Variants in SLC25A28 observed in about 807,000 individuals in gnomAD.
SLC25A28 encodes the protein mitoferrin-2.
A neutral mutation model predicts 31.9 loss-of-function variants in SLC25A28; 10 were observed. The observed-to-expected ratio is 0.31, with a 90% CI of 0.19 to 0.53. SLC25A28 has a LOEUF of 0.53. SLC25A28 is among the 20% of genes least tolerant of loss of function. SLC25A28 has a pLI of 0.95. For synonymous variants in SLC25A28, 208 were observed against 203.6 expected (o/e 1.02, Z -0.19); for missense variants, 256 against 490.3 (o/e 0.52, Z 4.51).
upstream of SLC25A28, chr10:99,620,455 C>G: frequency 9.5e-7 from 1 of 1,047,408 alleles, no homozygotes; most frequent in South Asian, 4.4e-5. Context: ...CTCCGGCTCC[C>G]GCTTGGCCCC....
chr10:99,659,133 G>GA, the SLC25A28 span, among the ~76,000 whole-genome samples: 7 of 152,170 alleles, frequency 4.6e-5, no homozygotes, highest in Admixed American at 3.3e-4. The surrounding 1 kb of genome is among the most constrained non-coding windows in gnomAD (Gnocchi z 4.1). Context: ...CGAACACCCT[G>GA]AACCCACCTA....
At chr10:99,612,078 C>T (rs1175374166) in intron 3 of SLC25A28, among the ~76,000 whole-genome samples, 1 of 152,190 alleles carries the variant, frequency 6.6e-6, no homozygotes, top group Non-Finnish European at 1.5e-5. Context: ...AAGCCAAGAT[C>T]CCAGCAGAAA....
chr10:99,613,936 G>A lies in SLC25A28; in HGVS notation c.292-12C>T. The A allele has an allele frequency of 6.3e-7, 1 of 1,585,070 alleles. No individual in the cohort carries two copies. Among genetic ancestry groups the A allele is most frequent in the Non-Finnish European group, 8.6e-7 (1 of 1,164,242 alleles). On this transcript the variant is annotated splice_polypyrimidine_tract_variant and intron_variant, in intron 1 of 3. Transcript: ENST00000370495. The surrounding 1 kb of genome is among the most constrained non-coding windows in gnomAD (Gnocchi z 4.9). ...CTCTGCATCCGGGTCTGAAATTACA[G>A]CAAGGAGAAGCGCAATGTCAGCAAT...
intron 2 of SLC25A28, 30 bp from the exon 3 acceptor site, chr10:99,612,629 A>G (rs984504234): frequency 1.2e-6 from 2 of 1,614,088 alleles, no homozygotes; most frequent in Non-Finnish European, 1.7e-6. Context: ...TGCCACATGT[A>G]AGGCCAAGAG....
At chr10:99,642,742 C>G in the SLC25A28 span, among the ~76,000 whole-genome samples, 6 of 152,128 alleles carry the variant, frequency 3.9e-5, no homozygotes, top group African/African-American at 1.4e-4. Flanking sequence ...CATGTCCCAT[C>G]AATACCTAGT....
the SLC25A28 span, among the ~76,000 whole-genome samples, chr10:99,654,699 T>A: frequency 6.6e-5 from 10 of 152,196 alleles, no homozygotes; most frequent in African/African-American, 2.2e-4. Context: ...CACCTGGAAG[T>A]AGAAAGGGGG....
chr10:99,659,151 T>C, the SLC25A28 span, among the ~76,000 whole-genome samples: 2 of 152,174 alleles, frequency 1.3e-5, no homozygotes, highest in African/African-American at 4.8e-5. This position sits in a 1 kb window ranked among gnomAD's most constrained non-coding sequence, Gnocchi z 4.1. Flanking sequence ...CTACCGGAGC[T>C]ACTCTGTCCC....
chr10:99,642,648 T>C, the SLC25A28 span, among the ~76,000 whole-genome samples: 3 of 152,318 alleles, frequency 2.0e-5, no homozygotes, highest in Middle Eastern at 3.4e-3. Context: ...CGTGCCAGTT[T>C]TCAAAGGGCA....
chr10:99,614,296 G>A (rs530225207), intron 1 of SLC25A28, among the ~76,000 whole-genome samples: 2 of 152,288 alleles, frequency 1.3e-5, no homozygotes, highest in South Asian at 4.1e-4. Flanking sequence ...CTAAACTCCA[G>A]TATTTACTAT....
chr10:99,637,099 A>G, the SLC25A28 span, among the ~76,000 whole-genome samples: 1 of 152,306 alleles, frequency 6.6e-6, no homozygotes, highest in African/African-American at 2.4e-5. Context: ...ACCACGAGCA[A>G]GTGGGTTTCA....
chr10:99,620,812 C>T (rs985114994), upstream of SLC25A28: 10 of 985,376 alleles, frequency 1.0e-5, no homozygotes, highest in African/African-American at 3.5e-5. Context: ...AGCGACGCGC[C>T]CAGGGACTCT....
chr10:99,659,211 G>A, the SLC25A28 span, among the ~76,000 whole-genome samples: 61 of 152,358 alleles, frequency 4.0e-4, no homozygotes, highest in African/African-American at 1.3e-3. This position sits in a 1 kb window ranked among gnomAD's most constrained non-coding sequence, Gnocchi z 4.1. Flanking sequence ...GCCCCAGGGA[G>A]GGAAGCGGGC....
At chr10:99,635,153 AT>A in the SLC25A28 span, among the ~76,000 whole-genome samples, 4 of 152,252 alleles carry the variant, frequency 2.6e-5, no homozygotes, top group African/African-American at 9.6e-5. Context: ...AGAGTTCTAA[AT>A]CTTGAAACAA....
chr10:99,630,892 G>T, the SLC25A28 span, among the ~76,000 whole-genome samples: 2 of 152,150 alleles, frequency 1.3e-5, no homozygotes, highest in Non-Finnish European at 2.9e-5. Context: ...AGCCTAGGGG[G>T]TTATGTCGCA....
At chr10:99,619,074 TAAG>T in intron 1 of SLC25A28, 1 of 985,442 alleles carries the variant, frequency 1.0e-6, no homozygotes, top group Non-Finnish European at 1.2e-6. Flanking sequence ...TGTACAAGAA[TAAG>T]AACTGTAAAG....
At chr10:99,631,369 C>T in the SLC25A28 span, among the ~76,000 whole-genome samples, 1 of 152,202 alleles carries the variant, frequency 6.6e-6, no homozygotes, top group Non-Finnish European at 1.5e-5. Flanking sequence ...CTCAAGGTAA[C>T]ACAGCTGGTT....
At chr10:99,657,573 G>C in the SLC25A28 span, among the ~76,000 whole-genome samples, 3 of 152,102 alleles carry the variant, frequency 2.0e-5, no homozygotes, top group Non-Finnish European at 4.4e-5. Context: ...TAGGAGAGTA[G>C]TGGAGCCAAA....
chr10:99,634,292 G>A, the SLC25A28 span, among the ~76,000 whole-genome samples: 4,814 of 152,150 alleles, frequency 0.032, 232 homozygotes, highest in African/African-American at 0.11. Context: ...TCCAAACCAA[G>A]AAGAAATCCC....
the SLC25A28 span, among the ~76,000 whole-genome samples, chr10:99,645,750 CCTTT>C: frequency 0.037 from 5,574 of 152,206 alleles, 153 homozygotes; most frequent in Middle Eastern, 0.16. Context: ...GTGTGGATGT[CCTTT>C]CTGTTTGTTA....
Sources: allele counts gnomAD v4.1 joint callset (sites outside exome capture counted in the v4.1 genomes callset), GRCh38; gene constraint gnomAD v4.1.1; non-coding constraint Gnocchi (gnomAD v3.1); transcripts MANE v1.5; gene names NCBI Gene and HGNC (gene_info 2026-07-23, HGNC 2026-07-21).